The following GABRG2 variants were observed in gnomAD, a reference collection of about 807,000 sequenced individuals.
The protein encoded by GABRG2 is gamma-aminobutyric acid receptor subunit gamma-2.
A neutral mutation model predicts 56.4 loss-of-function variants in GABRG2; 16 were observed. The ratio of observed to expected loss-of-function variants is 0.28; its 90% confidence interval spans 0.19 to 0.43. The LOEUF is 0.43. Ranked by LOEUF, GABRG2 falls within the 20% of genes least tolerant of loss-of-function variation. The pLI, the probability that GABRG2 is intolerant of heterozygous loss-of-function variation, is 1.00. For missense variants in GABRG2, 327 were observed against 582.7 expected (o/e 0.56, Z 4.52); for synonymous variants, 208 against 205.5 (o/e 1.01, Z -0.10).
chr5:162,114,332 C>T (rs536993427), intron 6 of GABRG2, among the ~76,000 whole-genome samples: 144 of 151,944 alleles, frequency 9.5e-4, no homozygotes, highest in Middle Eastern at 3.4e-3. Flanking sequence ...AGGTGTATCG[C>T]TATAAAAATG....
chr5:162,085,925 G>C (rs915984306), intron 1 of GABRG2, among the ~76,000 whole-genome samples: 18 of 151,478 alleles, frequency 1.2e-4, no homozygotes, highest in African/African-American at 4.4e-4. Context: ...TTTTTTTATG[G>C]CTGCATACTA....
chr5:162,110,296 G>T (rs538493399), intron 6 of GABRG2, among the ~76,000 whole-genome samples: 2 of 152,018 alleles, frequency 1.3e-5, no homozygotes, highest in African/African-American at 4.8e-5. Context: ...TTACGTGTTG[G>T]GCATCATTCT....
chr5:162,089,256 T>G (rs1345941321), intron 1 of GABRG2, among the ~76,000 whole-genome samples: 3 of 152,056 alleles, frequency 2.0e-5, no homozygotes, highest in Non-Finnish European at 4.4e-5. Flanking sequence ...TCGGGTAACA[T>G]GATGATGTAC....
chr5:162,143,314 T>C (rs559147872), intron 7 of GABRG2, among the ~76,000 whole-genome samples: 1 of 152,326 alleles, frequency 6.6e-6, no homozygotes, highest in South Asian at 2.1e-4. Flanking sequence ...AGAACAGCGA[T>C]GGAAAAAATT....
At chr5:162,134,329 A>G (rs540663109) in intron 6 of GABRG2, among the ~76,000 whole-genome samples, 4 of 148,746 alleles carry the variant, frequency 2.7e-5, no homozygotes, top group African/African-American at 4.9e-5. Flanking sequence ...CTCTTTTTTG[A>G]ATACTTAGTA....
At chr5:162,102,915 TTTATTCCAAGTACTCA>T in intron 5 of GABRG2, 2 of 162,998 alleles carry the variant, frequency 1.2e-5, no homozygotes, top group Non-Finnish European at 1.4e-5. Flanking sequence ...TATGTGGGAT[TTTATTCCAAGTACTCA>T]ATCAGTGTTC....
chr5:162,087,508 A>T (rs116339982), intron 1 of GABRG2, among the ~76,000 whole-genome samples: 1 of 152,046 alleles, frequency 6.6e-6, no homozygotes, highest in African/African-American at 2.4e-5. Context: ...GGAAAAGTTT[A>T]TCTTTCTGTT....
At chr5:162,127,892 T>G (rs1763455892) in intron 6 of GABRG2, among the ~76,000 whole-genome samples, 1 of 151,942 alleles carries the variant, frequency 6.6e-6, no homozygotes, top group Admixed American at 6.6e-5. Context: ...GAATCCAGAT[T>G]TGTTCTGAAA....
intron 6 of GABRG2, among the ~76,000 whole-genome samples, chr5:162,134,416 A>C (rs919258301): frequency 4.6e-5 from 7 of 152,166 alleles, no homozygotes; most frequent in African/African-American, 1.7e-4. Flanking sequence ...GACATAACTG[A>C]CATTAACGTA....
chr5:162,124,362 G>A (rs1481334440), intron 6 of GABRG2, among the ~76,000 whole-genome samples: 6 of 151,746 alleles, frequency 4.0e-5, no homozygotes, highest in Admixed American at 4.0e-4. Flanking sequence ...GAAACATTTT[G>A]CATATACCTA....
chr5:162,086,469 G>C (rs2113238633), intron 1 of GABRG2, among the ~76,000 whole-genome samples: 1 of 152,018 alleles, frequency 6.6e-6, no homozygotes, highest in African/African-American at 2.4e-5. Flanking sequence ...GTTATAAAAA[G>C]CATATAAGAT....
chr5:162,130,522 A>G (rs1763663307), intron 6 of GABRG2, among the ~76,000 whole-genome samples: 1 of 151,900 alleles, frequency 6.6e-6, no homozygotes, highest in African/African-American at 2.4e-5. Flanking sequence ...TTCAAATGCA[A>G]AGTTACCCAG....
chr5:162,075,715 C>T (rs899242412), intron 1 of GABRG2, among the ~76,000 whole-genome samples: 1 of 151,460 alleles, frequency 6.6e-6, no homozygotes, highest in African/African-American at 2.4e-5. Context: ...ACTTTTTTTA[C>T]AGTATCTCAC....
At chr5:162,084,575 G>C (rs11958242) in intron 1 of GABRG2, among the ~76,000 whole-genome samples, 1,953 of 151,914 alleles carry the variant, frequency 0.013, 56 homozygotes, top group African/African-American at 0.045. Context: ...TAGGATTTCA[G>C]ACTGGCATTT....
chr5:162,150,185 G>A (rs1765267031), intron 8 of GABRG2: 2 of 152,290 alleles, frequency 1.3e-5, no homozygotes, highest in Admixed American at 1.3e-4. Context: ...TATATATGTA[G>A]TGTATTATTT....
intron 1 of GABRG2, among the ~76,000 whole-genome samples, chr5:162,084,942 A>G (rs1178329006): frequency 2.6e-5 from 4 of 151,736 alleles, no homozygotes; most frequent in African/African-American, 9.7e-5. Flanking sequence ...AGTATAGTGT[A>G]TAAGTTCTAC....
intron 6 of GABRG2, among the ~76,000 whole-genome samples, chr5:162,116,142 G>T (rs1762609187): frequency 6.6e-6 from 1 of 151,312 alleles, no homozygotes; most frequent in South Asian, 2.1e-4. Flanking sequence ...GTGTGTGTGT[G>T]TGTGTTTCCA....
intron 1 of GABRG2, among the ~76,000 whole-genome samples, chr5:162,080,360 A>C (rs1759551601): frequency 6.6e-6 from 1 of 152,134 alleles, no homozygotes; most frequent in Non-Finnish European, 1.5e-5. Context: ...AGACTATGAG[A>C]GAAGGAAAGG....
In GABRG2 at chr5:162,122,083, T is replaced by G. The variant is rs192671966; in HGVS notation, c.769+18057T>G. 6.2e-3 allele frequency among the ~76,000 whole-genome samples: 945 copies of G among 152,118 alleles called. 15 individuals carry two copies. The highest frequency in any genetic ancestry group is 0.021 in the African/African-American group (884 of 41,552). ...TACATAAGAAGCATAAGAAAATTTGTGAAATTGGAAGAGTTCCAGACATAT... is the reference window on the plus strand; with the variant it reads ...TACATAAGAAGCATAAGAAAATTTGGGAAATTGGAAGAGTTCCAGACATAT... On this transcript the variant is annotated intron_variant, in intron 6 of 9. Transcript: ENST00000639213.
Sources: gnomAD v4.1 joint callset for allele counts (sites outside exome capture counted in the v4.1 genomes callset) on GRCh38, gnomAD v4.1.1 for gene constraint, MANE v1.5 for transcripts, NCBI Gene and HGNC (gene_info 2026-07-23, HGNC 2026-07-21) for gene names.